SLC5A4: variants seen among roughly 807,000 people sequenced by gnomAD.
SLC5A4 encodes the protein solute carrier family 5 member 4.
Under a neutral mutation model 70.3 loss-of-function variants are expected in SLC5A4, and 55 were observed. That is an observed-to-expected ratio of 0.78 (90% CI 0.63 to 0.98). The LOEUF is 0.98. Ranked by LOEUF, SLC5A4 falls within the 50% of genes least tolerant of loss-of-function variation. The pLI, the probability that SLC5A4 is intolerant of heterozygous loss-of-function variation, is 0.00. For synonymous variants in SLC5A4, 268 were observed against 305.7 expected (o/e 0.88, Z 1.29); for missense variants, 735 against 839.2 (o/e 0.88, Z 1.53).
chr22:32,254,098 A>G (rs1362001447), intron 2 of SLC5A4, 44 bp downstream of exon 2: 2 of 1,478,876 alleles, frequency 1.4e-6, no homozygotes, highest in Non-Finnish European at 1.9e-6. Context: ...AGTTTTAAGC[A>G]CACACACAGG....
At chr22:32,304,891 G>A in the SLC5A4 span, among the ~76,000 whole-genome samples, 1 of 112,056 alleles carries the variant, frequency 8.9e-6, no homozygotes, top group East Asian at 4.3e-4. Flanking sequence ...TCCATTTTGA[G>A]TTAATTTTGT....
the SLC5A4 span, among the ~76,000 whole-genome samples, chr22:32,263,853 GGA>G: frequency 2.0e-5 from 3 of 152,126 alleles, no homozygotes; most frequent in Non-Finnish European, 2.9e-5. Flanking sequence ...TACACACCAT[GGA>G]ATACTATGCA....
rs200803283 is a variant in SLC5A4, at chr22:32,238,987, G to A, written c.581C>T (p.Thr194Ile). ...AGCAAAATATGCAACATACTTACCA[G>A]TGGTGGTGTAAACAGCAGTCATAGC... ...LLAMTAVYTT[T>I]GGLASVIYTD... Residue 194 changes from threonine (T) to isoleucine (I), a missense_variant and splice_region_variant, in exon 6 of 15, where the codon ACT (threonine) becomes ATT (isoleucine). Coordinates refer to ENST00000266086, the MANE Select transcript of SLC5A4 (RefSeq NM_014227.3). 3.4e-5 allele frequency: 55 copies of A among 1,607,968 alleles called. No homozygotes were observed. Among genetic ancestry groups the A allele is most frequent in the Non-Finnish European group, 4.5e-5 (53 of 1,174,492 alleles).
At chr22:32,305,079 G>A in the SLC5A4 span, among the ~76,000 whole-genome samples, 1 of 152,002 alleles carries the variant, frequency 6.6e-6, no homozygotes, top group Non-Finnish European at 1.5e-5. Flanking sequence ...TTCATTGTCT[G>A]TTCTTTTGCC....
the SLC5A4 span, among the ~76,000 whole-genome samples, chr22:32,331,202 G>A: frequency 4.4e-5 from 6 of 137,260 alleles, no homozygotes; most frequent in African/African-American, 1.1e-4. Flanking sequence ...GCTCTGGTGT[G>A]TGTATTGGGG....
chr22:32,298,413 C>A, the SLC5A4 span, among the ~76,000 whole-genome samples: 1 of 135,108 alleles, frequency 7.4e-6, no homozygotes. Flanking sequence ...ATGTAATGGC[C>A]TTCTTTGTCT....
chr22:32,307,546 AG>A, the SLC5A4 span, among the ~76,000 whole-genome samples: 13 of 152,144 alleles, frequency 8.5e-5, no homozygotes, highest in Non-Finnish European at 1.9e-4. Context: ...AGGTGAGGGA[AG>A]TCCATGTCAT....
the SLC5A4 span, chr22:32,327,454 G>C: frequency 2.0e-5 from 3 of 152,400 alleles, no homozygotes; most frequent in Non-Finnish European, 4.4e-5. Flanking sequence ...GGAAAGCAGA[G>C]ACAATGACTC....
At chr22:32,236,016 C>T (rs1926037954) in intron 7 of SLC5A4, among the ~76,000 whole-genome samples, 2 of 152,130 alleles carry the variant, frequency 1.3e-5, no homozygotes, top group Admixed American at 1.3e-4. Context: ...GAGAGTCCCC[C>T]TCTTCATCCT....
chr22:32,274,206 A>T, the SLC5A4 span, among the ~76,000 whole-genome samples: 3 of 151,598 alleles, frequency 2.0e-5, no homozygotes, highest in East Asian at 1.9e-4. Flanking sequence ...AGCCTGGCTA[A>T]TTTTTTTTGT....
chr22:32,340,950 C>T, the SLC5A4 span, among the ~76,000 whole-genome samples: 1 of 151,994 alleles, frequency 6.6e-6, no homozygotes, highest in Non-Finnish European at 1.5e-5. Context: ...AGACGACGGA[C>T]AAGGAGGGCT....
chr22:32,258,017 G>T (rs1045132825), upstream of SLC5A4, among the ~76,000 whole-genome samples: 5 of 149,040 alleles, frequency 3.4e-5, no homozygotes, highest in African/African-American at 7.4e-5. Flanking sequence ...ACAGAGTCTT[G>T]CTCTGTTGCC....
At chr22:32,235,739 G>A (rs1051680802) in intron 7 of SLC5A4, among the ~76,000 whole-genome samples, 1 of 151,350 alleles carries the variant, frequency 6.6e-6, no homozygotes, top group Non-Finnish European at 1.5e-5. Context: ...TTAGAAAGCT[G>A]AGTCCAGGCA....
chr22:32,270,854 C>A, the SLC5A4 span: 1 of 552,622 alleles, frequency 1.8e-6, no homozygotes. Context: ...CCACCTGGTG[C>A]TGCACAAGCC....
the SLC5A4 span, among the ~76,000 whole-genome samples, chr22:32,309,303 C>T: frequency 6.6e-6 from 1 of 152,228 alleles, no homozygotes; most frequent in African/African-American, 2.4e-5. Context: ...ACAGTCCTTA[C>T]AAACGCGGTA....
At chr22:32,321,406 C>T in the SLC5A4 span, among the ~76,000 whole-genome samples, 45 of 152,146 alleles carry the variant, frequency 3.0e-4, no homozygotes, top group Admixed American at 7.9e-4. Context: ...GAGCTGAGAT[C>T]GCGCCACTGC....
At chr22:32,347,772 G>A in the SLC5A4 span, among the ~76,000 whole-genome samples, 5 of 151,506 alleles carry the variant, frequency 3.3e-5, no homozygotes, top group East Asian at 3.9e-4. Flanking sequence ...GAGTTAATGC[G>A]TGCAGCACAC....
At position 32,233,059 on chromosome 22, in the gene SLC5A4, A is replaced by G. The variant is rs140482211; in HGVS notation, c.886-25T>C. 6 of 1,603,878 alleles carry G rather than the reference A, an allele frequency of 3.7e-6. No individual in the cohort carries two copies. In the Admixed American group the frequency reaches 8.6e-5, roughly 23 times the overall value. On this transcript the variant is annotated intron_variant, in intron 8 of 14. Transcript: ENST00000266086. ...CCTGCCGGGAGAACGTGACACACTC[A>G]TGAAACAAGCCAGGGGATGATTTCA...
the SLC5A4 span, among the ~76,000 whole-genome samples, chr22:32,339,703 A>C: frequency 6.6e-6 from 1 of 152,184 alleles, no homozygotes; most frequent in East Asian, 1.9e-4. Context: ...GTGCAGGGGA[A>C]AAGACAAACC....
Sources: allele counts gnomAD v4.1 joint callset (sites outside exome capture counted in the v4.1 genomes callset), GRCh38; gene constraint gnomAD v4.1.1; transcripts MANE v1.5; gene names NCBI Gene and HGNC (gene_info 2026-07-23, HGNC 2026-07-21).